ADGRV1: variants seen among roughly 807,000 people sequenced by gnomAD.
The protein encoded by ADGRV1 is G-protein coupled receptor 98.
ADGRV1 carries 359 observed loss-of-function variants against 596.2 expected under a neutral mutation model. That is an observed-to-expected ratio of 0.60 (90% CI 0.55 to 0.66). The LOEUF is 0.66. Ranked by LOEUF, ADGRV1 falls within the 30% of genes least tolerant of loss-of-function variation. The probability of loss-of-function intolerance (pLI) is 0.00; values close to 1 mark genes in which losing one functional copy is unlikely to be tolerated. For missense variants in ADGRV1, 7,274 were observed against 7,575.6 expected, an observed-to-expected ratio of 0.96 and a Z score of 1.48; for synonymous variants, 2,681 against 2,679.2, an observed-to-expected ratio of 1.00 and a Z score of -0.02.
At chr5:90,670,547 G>A (rs1441071262) in intron 21 of ADGRV1, among the ~76,000 whole-genome samples, 1 of 152,108 alleles carries the variant, frequency 6.6e-6, no homozygotes, top group Non-Finnish European at 1.5e-5. Flanking sequence ...TTCCCAAAAG[G>A]TTCTCAACAA....
chr5:90,915,418 T>C (rs543800395), intron 83 of ADGRV1, among the ~76,000 whole-genome samples: 1 of 152,306 alleles, frequency 6.6e-6, no homozygotes, highest in East Asian at 1.9e-4. Flanking sequence ...CTGACTTTAG[T>C]ATTACTTATT....
intron 21 of ADGRV1, among the ~76,000 whole-genome samples, chr5:90,659,035 GA>G (rs1347444192): frequency 6.6e-6 from 1 of 151,914 alleles, no homozygotes; most frequent in African/African-American, 2.4e-5. Flanking sequence ...AGTAGAGTTT[GA>G]AAAAAAATCT....
intron 1 of ADGRV1, among the ~76,000 whole-genome samples, chr5:90,580,400 G>C (rs1757852853): frequency 6.6e-6 from 1 of 151,976 alleles, no homozygotes; most frequent in African/African-American, 2.4e-5. Context: ...TTTCCAGCTT[G>C]GTTCCATTCT....
At chr5:91,084,246 C>T (rs1345470133) in intron 86 of ADGRV1, among the ~76,000 whole-genome samples, 1 of 152,110 alleles carries the variant, frequency 6.6e-6, no homozygotes, top group Non-Finnish European at 1.5e-5. Context: ...CCCCTGATTT[C>T]CTCACTAGCT....
intron 66 of ADGRV1, 133 bp from the exon 67 acceptor site, chr5:90,783,705 A>G: frequency 1.5e-6 from 1 of 645,184 alleles, no homozygotes; most frequent in Non-Finnish European, 2.6e-6. Flanking sequence ...CTAAGCACCC[A>G]CTTCTTACCA....
intron 1 of ADGRV1, among the ~76,000 whole-genome samples, chr5:90,575,488 A>T (rs1757081587): frequency 6.6e-6 from 1 of 152,154 alleles, no homozygotes; most frequent in East Asian, 1.9e-4. Context: ...ATATTTTAAT[A>T]CAAAGGAAGT....
rs183880952 is a variant in ADGRV1, at chr5:90,841,827, T to G, written c.17019+842T>G. On this transcript the variant is annotated intron_variant, in intron 78 of 89. Coordinates refer to ENST00000405460, the MANE Select transcript of ADGRV1 (RefSeq NM_032119.4). ...GGGTTTTAGATAGTCGTGCATACTT[T>G]CCATCCAGTGGTATCTCTTAAAATA... 2.0e-4 allele frequency among the ~76,000 whole-genome samples: 30 copies of G among 152,328 alleles called. No individual in the cohort carries two copies. In the East Asian group the frequency reaches 4.1e-3, roughly 21 times the overall value.
intron 1 of ADGRV1, among the ~76,000 whole-genome samples, chr5:90,569,415 T>TTC (rs1295993815): frequency 1.1e-4 from 12 of 105,620 alleles, no homozygotes; most frequent in African/African-American, 5.1e-4. Context: ...TTTTTTTTTT[T>TTC]CTCATTCTTA....
At chr5:90,734,838 G>A (rs1238511341) in intron 50 of ADGRV1, among the ~76,000 whole-genome samples, 4 of 152,146 alleles carry the variant, frequency 2.6e-5, no homozygotes, top group Non-Finnish European at 2.9e-5. Flanking sequence ...GATTATAGGC[G>A]TGAGCCCCTG....
intron 59 of ADGRV1, among the ~76,000 whole-genome samples, chr5:90,770,010 C>T (rs1037319017): frequency 2.0e-5 from 3 of 150,844 alleles, no homozygotes; most frequent in African/African-American, 4.9e-5. Flanking sequence ...TCTCTGTGGC[C>T]TGGAGTTCAA....
At chr5:90,697,318 A>G (rs1486340152) in intron 34 of ADGRV1, among the ~76,000 whole-genome samples, 172 bp downstream of exon 34, 8 of 152,164 alleles carry the variant, frequency 5.3e-5, no homozygotes, top group Admixed American at 5.2e-4. Flanking sequence ...CTGTTTAGCC[A>G]GATTTAGGAG....
intron 31 of ADGRV1, 58 bp from the exon 32 acceptor site, chr5:90,692,547 T>C: frequency 7.4e-7 from 1 of 1,357,716 alleles, no homozygotes; most frequent in Non-Finnish European, 1.0e-6. Context: ...CCTTGAATCA[T>C]TTTTATTCTA....
intron 21 of ADGRV1, among the ~76,000 whole-genome samples, chr5:90,669,445 A>G (rs146182688): frequency 5.3e-5 from 8 of 152,198 alleles, no homozygotes; most frequent in East Asian, 1.9e-4. Context: ...TTAGGAAAAC[A>G]CTGCTCAAGG....
At chr5:91,150,009 C>CTTTTTTTTTTTTTTTTTT in intron 87 of ADGRV1, 21 bp from the exon 88 acceptor site, 3 of 1,288,696 alleles carry the variant, frequency 2.3e-6, no homozygotes, top group South Asian at 1.6e-5. Context: ...CTTTTCTTTT[C>CTTTTTTTTTTTTTTTTTT]TTTTTTTTTT....
chr5:91,107,319 A>G (rs1411474410), intron 87 of ADGRV1, among the ~76,000 whole-genome samples: 3 of 152,220 alleles, frequency 2.0e-5, no homozygotes, highest in African/African-American at 7.2e-5. Flanking sequence ...AGAAATTGAC[A>G]TCTGGAGGAA....
At chr5:90,766,006 T>G (rs1485806998) in intron 59 of ADGRV1, among the ~76,000 whole-genome samples, 1 of 151,816 alleles carries the variant, frequency 6.6e-6, no homozygotes, top group African/African-American at 2.4e-5. Flanking sequence ...ACCTCCCGGG[T>G]TTACGCCATT....
intron 89 of ADGRV1, among the ~76,000 whole-genome samples, chr5:91,158,133 C>T (rs188486467): frequency 6.6e-6 from 1 of 152,330 alleles, no homozygotes; most frequent in Admixed American, 6.5e-5. Flanking sequence ...TACCATGTAT[C>T]TGATAATTTT....
chr5:91,009,742 AATAT>A, intron 85 of ADGRV1, among the ~76,000 whole-genome samples: 1 of 152,118 alleles, frequency 6.6e-6, no homozygotes, highest in Non-Finnish European at 1.5e-5. Flanking sequence ...AAAGTTATAT[AATAT>A]GTGTTTATAA....
At chr5:90,754,836 TC>T (rs901530421) in intron 54 of ADGRV1, 146 bp from the exon 55 acceptor site, 2 of 584,394 alleles carry the variant, frequency 3.4e-6, no homozygotes, top group Non-Finnish European at 6.0e-6. Flanking sequence ...CCCAGAATGA[TC>T]CTTGGGAGTA....
Sources: allele counts gnomAD v4.1 joint callset (sites outside exome capture counted in the v4.1 genomes callset), GRCh38; gene constraint gnomAD v4.1.1; transcripts MANE v1.5; gene names NCBI Gene and HGNC (gene_info 2026-07-23, HGNC 2026-07-21).